The following SNTB2 variants were observed in gnomAD, a reference collection of about 807,000 sequenced individuals.
SNTB2 encodes the protein beta-2-syntrophin.
In SNTB2, 34 loss-of-function variants were observed where a neutral mutation model predicts 46.2. That is an observed-to-expected ratio of 0.74 (90% CI 0.56 to 0.98). SNTB2 has a LOEUF of 0.98. Ranked by LOEUF, SNTB2 falls within the 50% of genes least tolerant of loss-of-function variation. The pLI is 0.00. For synonymous variants in SNTB2, 290 were observed against 312.6 expected, an observed-to-expected ratio of 0.93 and a Z score of 0.76; for missense variants, 603 against 731.4, an observed-to-expected ratio of 0.82 and a Z score of 2.02.
At chr16:69,239,152 C>T (rs1964586390) in intron 1 of SNTB2, among the ~76,000 whole-genome samples, 1 of 152,072 alleles carries the variant, frequency 6.6e-6, no homozygotes, top group Non-Finnish European at 1.5e-5. Context: ...TTTGCATGGC[C>T]AACTCCCCCA....
At chr16:69,292,279 A>G (rs1295962308) in intron 5 of SNTB2, among the ~76,000 whole-genome samples, 3 of 145,310 alleles carry the variant, frequency 2.1e-5, no homozygotes, top group African/African-American at 7.7e-5. Flanking sequence ...TGGATAACAT[A>G]TACACTGGTT....
intron 1 of SNTB2, among the ~76,000 whole-genome samples, chr16:69,201,573 T>C (rs548076110): frequency 6.6e-6 from 1 of 152,324 alleles, no homozygotes; most frequent in East Asian, 1.9e-4. Flanking sequence ...GTAACGTTGC[T>C]AAATCATTGG....
At chr16:69,230,007 G>A (rs1025887407) in intron 1 of SNTB2, among the ~76,000 whole-genome samples, 4 of 151,882 alleles carry the variant, frequency 2.6e-5, no homozygotes, top group Non-Finnish European at 5.9e-5. Flanking sequence ...GGCTGGTCTC[G>A]GACTCTTGGC....
chr16:69,191,299 G>C, intron 1 of SNTB2: 1 of 145,590 alleles, frequency 6.9e-6, no homozygotes, highest in Non-Finnish European at 1.5e-5. Flanking sequence ...CTGTAATCCA[G>C]CACTTTGGGA....
intron 4 of SNTB2, among the ~76,000 whole-genome samples, chr16:69,272,889 C>CAA (rs34011617): frequency 0.19 from 15,207 of 80,442 alleles, 1,365 homozygotes; most frequent in South Asian, 0.23. Context: ...GACTCTGTCT[C>CAA]AAAAAAAAAA....
intron 1 of SNTB2, among the ~76,000 whole-genome samples, chr16:69,223,790 G>C (rs187626659): frequency 2.6e-5 from 4 of 152,062 alleles, no homozygotes; most frequent in African/African-American, 9.7e-5. Flanking sequence ...CACCATGCCC[G>C]ACTAGTTTTT....
chr16:69,192,247 A>G lies in SNTB2; in HGVS notation c.580+4501A>G, dbSNP rs151031744. ...GGTAGTGGCAGTGGGAATAGAGAGG[A>G]GGATTCAATTCAAGAGATACTTTAA... On this transcript the variant is annotated intron_variant, in intron 1 of 6. Coordinates refer to ENST00000336278, the MANE Select transcript of SNTB2 (RefSeq NM_006750.4). Among the ~76,000 whole-genome samples, 949 of 152,310 alleles carry G rather than the reference A, an allele frequency of 6.2e-3. 11 individuals carry two copies. Among genetic ancestry groups the G allele is most frequent in the African/African-American group, 0.02 (839 of 41,568 alleles).
chr16:69,298,753 C>G (rs1290965804), intron 5 of SNTB2, among the ~76,000 whole-genome samples: 1 of 151,922 alleles, frequency 6.6e-6, no homozygotes, highest in Non-Finnish European at 1.5e-5. Context: ...AACTCCTGAC[C>G]TCAAGTGATC....
intron 1 of SNTB2, among the ~76,000 whole-genome samples, chr16:69,242,873 T>C (rs1436278642): frequency 1.3e-5 from 2 of 152,016 alleles, no homozygotes; most frequent in African/African-American, 4.8e-5. Context: ...TACAAAAAAT[T>C]AGCCGGGCGT....
chr16:69,276,716 T>G (rs534600764), intron 4 of SNTB2, among the ~76,000 whole-genome samples: 1 of 152,224 alleles, frequency 6.6e-6, no homozygotes, highest in African/African-American at 2.4e-5. Context: ...ATTTTCATAG[T>G]AATATTAAAT....
chr16:69,262,332 G>C (rs1008431674), intron 3 of SNTB2, among the ~76,000 whole-genome samples: 8 of 151,894 alleles, frequency 5.3e-5, no homozygotes, highest in African/African-American at 1.9e-4. Context: ...TGGAAATGGA[G>C]TCTCGCTGTG....
chr16:69,258,034 T>C (rs1964795464), intron 2 of SNTB2, among the ~76,000 whole-genome samples: 1 of 152,252 alleles, frequency 6.6e-6, no homozygotes, highest in Non-Finnish European at 1.5e-5. Context: ...TTTGGAGTTA[T>C]AAAGGGTTTA....
At chr16:69,200,667 ATTTAT>A (rs1964152623) in intron 1 of SNTB2, among the ~76,000 whole-genome samples, 1 of 152,004 alleles carries the variant, frequency 6.6e-6, no homozygotes, top group Admixed American at 6.6e-5. Context: ...TGTTTCGTTT[ATTTAT>A]TTTATTTTTG....
At chr16:69,275,402 C>G (rs1964977788) in intron 4 of SNTB2, among the ~76,000 whole-genome samples, 1 of 152,154 alleles carries the variant, frequency 6.6e-6, no homozygotes, top group African/African-American at 2.4e-5. Flanking sequence ...AATGTAACAA[C>G]AGGGATTCTT....
chr16:69,203,301 A>G (rs749587075), intron 1 of SNTB2, among the ~76,000 whole-genome samples: 6 of 151,420 alleles, frequency 4.0e-5, no homozygotes, highest in Non-Finnish European at 4.4e-5. Flanking sequence ...TACAGGCGTG[A>G]GCCACTGCGC....
At chr16:69,284,590 AC>A in intron 5 of SNTB2, among the ~76,000 whole-genome samples, 1 of 151,494 alleles carries the variant, frequency 6.6e-6, no homozygotes, top group Non-Finnish European at 1.5e-5. Context: ...CCTGGGCAAT[AC>A]AGTGAAACCC....
intron 1 of SNTB2, among the ~76,000 whole-genome samples, chr16:69,224,396 A>G (rs1471580186): frequency 6.6e-6 from 1 of 151,966 alleles, no homozygotes; most frequent in Non-Finnish European, 1.5e-5. Context: ...TATCGTTAGT[A>G]GAGACGGGGT....
intron 5 of SNTB2, among the ~76,000 whole-genome samples, chr16:69,289,265 G>A (rs1019962740): frequency 1.4e-4 from 16 of 114,668 alleles, no homozygotes; most frequent in Non-Finnish European, 2.2e-4. Context: ...GCTAAACTCC[G>A]TCTCAAAAAA....
chr16:69,296,149 C>T (rs1221368947), intron 5 of SNTB2, among the ~76,000 whole-genome samples: 3 of 151,776 alleles, frequency 2.0e-5, no homozygotes, highest in African/African-American at 4.8e-5. Context: ...GGCGTGGTGG[C>T]GCAGGCCTTA....
Sources: allele counts gnomAD v4.1 joint callset (sites outside exome capture counted in the v4.1 genomes callset), GRCh38; gene constraint gnomAD v4.1.1; transcripts MANE v1.5; gene names NCBI Gene and HGNC (gene_info 2026-07-23, HGNC 2026-07-21).